The following SYNE1 variants were observed in gnomAD, a reference collection of about 807,000 sequenced individuals.
SYNE1 encodes spectrin repeat containing nuclear envelope protein 1.
In SYNE1, 616 loss-of-function variants were observed where a neutral mutation model predicts 1,111.0. The observed-to-expected ratio is 0.55, with a 90% CI of 0.52 to 0.59. The LOEUF is 0.59. Ranked by LOEUF, SYNE1 falls within the 20% of genes least tolerant of loss-of-function variation. SYNE1 has a pLI of 0.00. For missense variants in SYNE1, 10,006 were observed against 10,417.0 expected (o/e 0.96, Z 1.72); for synonymous variants, 3,855 against 3,825.8 (o/e 1.01, Z -0.28).
chr6:152,172,982 C>T (rs551379002), intron 130 of SYNE1, among the ~76,000 whole-genome samples: 299 of 152,222 alleles, frequency 2.0e-3, no homozygotes, highest in African/African-American at 6.9e-3. Flanking sequence ...TTTAAATATT[C>T]TGTAATTTAA....
intron 78 of SYNE1, among the ~76,000 whole-genome samples, chr6:152,328,100 G>C (rs2096129536): frequency 1.3e-5 from 2 of 152,080 alleles, no homozygotes; most frequent in South Asian, 4.1e-4. Flanking sequence ...ATGCTAAGAA[G>C]ATAAACCTAA....
In SYNE1 at chr6:152,219,108, T is replaced by C; in HGVS notation, c.21939A>G (p.Gln7313=). Residue 7313 remains glutamine, a synonymous_variant, in exon 120 of 146, where the codon CAA becomes CAG. Coordinates refer to ENST00000367255, the MANE Select transcript of SYNE1 (RefSeq NM_182961.4). ...LHELGEQLKQ[Q]VDASAASAIQ... ...TAGCTGATGCTGCGGAAGCATCCAC[T>C]TGTTGCTTCAGTTGCTCTCCCAGCT... The C allele has an allele frequency of 6.2e-7, 1 of 1,614,170 alleles. No individual in the cohort carries two copies. The highest frequency in any genetic ancestry group is 1.7e-5 in the Admixed American group (1 of 60,026).
At chr6:152,195,903 C>T (rs751160529) in intron 127 of SYNE1, among the ~76,000 whole-genome samples, 8 of 152,050 alleles carry the variant, frequency 5.3e-5, no homozygotes, top group East Asian at 1.9e-4. Flanking sequence ...CCCAGGTGGT[C>T]GAGAGATGCC....
chr6:152,568,289 C>CTTTTTTTTTTTTTTTTTTTTTTT (rs10601350), intron 3 of SYNE1, among the ~76,000 whole-genome samples: 1 of 80,310 alleles, frequency 1.2e-5, no homozygotes, highest in Non-Finnish European at 2.2e-5. Flanking sequence ...TTATTTTATT[C>CTTTTTTTTTTTTTTTTTTTTTTT]TTTTTTTTTT....
chr6:152,206,347 A>T lies in SYNE1; in HGVS notation c.22840T>A (p.Phe7614Ile), dbSNP rs138581943. The change falls in exon 126 of 146, where the codon TTT (phenylalanine) becomes ATT (isoleucine). Residue 7614 changes from phenylalanine to isoleucine, a missense_variant. By Grantham distance (21) the Phe-to-Ile change is conservative (BLOSUM62 0). Transcript: ENST00000367255. The part of the protein sequence containing the change: ...FDEVQFKEKV[F>I]LRQQGSYILT... ...ATGTAGCTGCCTTGTTGCCGCAGAA[A>T]CACTTTTTCTTTGAACTGAAAGGAA... 2.5e-6 allele frequency: 4 copies of T among 1,613,720 alleles called. No individual in the cohort carries two copies. The African/African-American group carries it at 4.0e-5, about 16-fold the overall frequency.
intron 3 of SYNE1, among the ~76,000 whole-genome samples, chr6:152,581,826 C>T (rs1015762019): frequency 2.6e-5 from 4 of 152,146 alleles, no homozygotes; most frequent in Non-Finnish European, 4.4e-5. Context: ...ATGTCCCCTG[C>T]TGATTCTTAT....
chr6:152,144,181 G>A (rs1586077677), intron 137 of SYNE1: 2 of 292,466 alleles, frequency 6.8e-6, no homozygotes, highest in Non-Finnish European at 1.3e-5. Flanking sequence ...GTGAGCAGGG[G>A]AAGATCCTCC....
intron 3 of SYNE1, among the ~76,000 whole-genome samples, chr6:152,566,991 G>C (rs1224823139): frequency 3.6e-5 from 1 of 27,896 alleles, no homozygotes; most frequent in African/African-American, 6.1e-5. Flanking sequence ...CATACTGTGT[G>C]TGTGTGTGTG....
Position 152,149,531 on chromosome 6 carries a change from G to A in SYNE1, c.24588C>T (p.Cys8196=), listed in dbSNP as rs2060066609. Reference sequence around the variant, plus strand: ...TTTCCACACGCCCGAAGACCTCCTGGCAGTACCGTCGGAGCTCATCTAGTT... The same window carrying A: ...TTTCCACACGCCCGAAGACCTCCTGACAGTACCGTCGGAGCTCATCTAGTT... ...EEELDELRRY[C]QEVFGRVERY... The change falls in exon 136 of 146, where the codon TGC becomes TGT. Residue 8196 remains cysteine, a synonymous_variant. Coordinates refer to ENST00000367255, the MANE Select transcript of SYNE1 (RefSeq NM_182961.4). 1 of 1,614,016 alleles carries A rather than the reference G, an allele frequency of 6.2e-7. No individual in the cohort carries two copies. The highest frequency in any genetic ancestry group is 1.3e-5 in the African/African-American group (1 of 74,918).
intron 5 of SYNE1, among the ~76,000 whole-genome samples, chr6:152,525,770 T>C (rs2099160770): frequency 1.3e-5 from 2 of 152,220 alleles, no homozygotes. Flanking sequence ...TTGCAACTAA[T>C]CTTCTTGTAT....
Position 152,604,667 on chromosome 6 carries a change from C to T in SYNE1, c.67+23598G>A, listed in dbSNP as rs543875302. 7.2e-5 allele frequency among the ~76,000 whole-genome samples: 11 copies of T among 151,796 alleles called. No individual in the cohort carries two copies. The East Asian group carries it at 1.8e-3, about 24-fold the overall frequency. On this transcript the variant is annotated intron_variant, in intron 3 of 145. Transcript: ENST00000367255. ...TCTAATAATTTTTGGGGGCAGGGCA[C>T]GGTGGCTCATGCCTATAGTCCTAGT...
chr6:152,606,579 C>A (rs1474138845), intron 3 of SYNE1, among the ~76,000 whole-genome samples: 13 of 152,106 alleles, frequency 8.5e-5, no homozygotes, highest in Admixed American at 7.9e-4. Flanking sequence ...CACACAAATG[C>A]AAAGAAGTGA....
chr6:152,368,804 G>C, intron 61 of SYNE1, 168 bp downstream of exon 61: 1 of 810,538 alleles, frequency 1.2e-6, no homozygotes, highest in South Asian at 1.4e-5. Flanking sequence ...CAACAATGAT[G>C]AACTCAGATT....
intron 98 of SYNE1, among the ~76,000 whole-genome samples, chr6:152,272,204 G>C (rs1353004769): frequency 6.6e-6 from 1 of 152,190 alleles, no homozygotes; most frequent in African/African-American, 2.4e-5. Context: ...CCATGATTAA[G>C]AATCCAGTTC....
intron 56 of SYNE1, among the ~76,000 whole-genome samples, chr6:152,379,962 A>C (rs893288662): frequency 6.6e-6 from 1 of 152,218 alleles, no homozygotes; most frequent in Non-Finnish European, 1.5e-5. Flanking sequence ...TTTTCATATT[A>C]TACCATGTAG....
At chr6:152,570,783 TATC>T (rs1236784472) in intron 3 of SYNE1, among the ~76,000 whole-genome samples, 1 of 152,204 alleles carries the variant, frequency 6.6e-6, no homozygotes. Context: ...CAGTCCTTAC[TATC>T]ATGGTAAGAA....
intron 4 of SYNE1, among the ~76,000 whole-genome samples, chr6:152,537,815 C>T (rs1273860986): frequency 1.3e-5 from 2 of 152,124 alleles, no homozygotes; most frequent in East Asian, 3.9e-4. Flanking sequence ...CCAGTGCTCC[C>T]AAGATAGAAG....
chr6:152,361,126 G>A (rs903520966), intron 64 of SYNE1, among the ~76,000 whole-genome samples: 2 of 152,206 alleles, frequency 1.3e-5, no homozygotes, highest in Non-Finnish European at 1.5e-5. Flanking sequence ...GACAGAGCAA[G>A]GACCTTCTGT....
Position 152,210,648 on chromosome 6 carries a change from G to A in SYNE1, c.22589+846C>T, listed in dbSNP as rs550863490. Among the ~76,000 whole-genome samples the A allele has an allele frequency of 1.3e-3, 193 of 151,948 alleles. 1 individual carries two copies. The Middle Eastern group carries it at 0.028, about 22-fold the overall frequency. ...TTGAAAAAATATCAAATTAATTTTA[G>A]TCACAACTACTGGTTCCTAAATATG... is the stretch of plus-strand genomic sequence containing the variant. On this transcript the variant is annotated intron_variant, in intron 124 of 145. Transcript: ENST00000367255.
Sources: allele counts gnomAD v4.1 joint callset (sites outside exome capture counted in the v4.1 genomes callset), GRCh38; gene constraint gnomAD v4.1.1; transcripts MANE v1.5; gene names NCBI Gene and HGNC (gene_info 2026-07-23, HGNC 2026-07-21).